VWC2L: variants seen among roughly 807,000 people sequenced by gnomAD.
VWC2L encodes von Willebrand factor C domain containing 2 like.
Under a neutral mutation model 21.6 loss-of-function variants are expected in VWC2L, and 10 were observed. That is an observed-to-expected ratio of 0.46 (90% CI 0.29 to 0.78). The LOEUF (loss-of-function observed/expected upper bound fraction) is 0.78. Ranked by LOEUF, VWC2L falls within the 30% of genes least tolerant of loss-of-function variation. The pLI is 0.10. For synonymous variants in VWC2L, 96 were observed against 94.3 expected (o/e 1.02, Z -0.10); for missense variants, 209 against 277.1 (o/e 0.75, Z 1.74).
At chr2:214,424,607 ATAC>A (rs1702495136) in intron 2 of VWC2L, among the ~76,000 whole-genome samples, 1 of 152,232 alleles carries the variant, frequency 6.6e-6, no homozygotes, top group African/African-American at 2.4e-5. Flanking sequence ...ATTACTATTA[ATAC>A]TAAACTGTAT....
chr2:214,538,737 C>A (rs541673340), intron 3 of VWC2L, among the ~76,000 whole-genome samples: 214 of 151,858 alleles, frequency 1.4e-3, no homozygotes, highest in African/African-American at 4.8e-3. Flanking sequence ...TCTACCTTCT[C>A]CCAAGTTCAT....
At chr2:214,422,541 C>T (rs1358839036) in intron 2 of VWC2L, among the ~76,000 whole-genome samples, 2 of 152,086 alleles carry the variant, frequency 1.3e-5, no homozygotes, top group Non-Finnish European at 2.9e-5. Context: ...GCGTTTGAAA[C>T]AAATAACTAA....
chr2:214,463,404 A>G (rs911454360), intron 3 of VWC2L, among the ~76,000 whole-genome samples: 1 of 152,134 alleles, frequency 6.6e-6, no homozygotes, highest in Non-Finnish European at 1.5e-5. Context: ...TGATATTACT[A>G]TAGCCATTCC....
At chr2:214,491,712 G>C (rs904677719) in intron 3 of VWC2L, among the ~76,000 whole-genome samples, 1 of 152,122 alleles carries the variant, frequency 6.6e-6, no homozygotes, top group Non-Finnish European at 1.5e-5. Context: ...GAACACTGGA[G>C]TCAGATGGAA....
At chr2:214,562,712 T>C (rs755544763) in intron 3 of VWC2L, among the ~76,000 whole-genome samples, 4 of 152,242 alleles carry the variant, frequency 2.6e-5, no homozygotes, top group Non-Finnish European at 5.9e-5. Context: ...TCATTGTGGT[T>C]TTGACTTGCA....
At chr2:214,430,055 C>T (rs550510765) in intron 2 of VWC2L, among the ~76,000 whole-genome samples, 1 of 152,106 alleles carries the variant, frequency 6.6e-6, no homozygotes, top group East Asian at 1.9e-4. Flanking sequence ...AAATCCTGAC[C>T]TCGTGTGCTG....
At chr2:214,432,656 A>G (rs748996535) in intron 2 of VWC2L, among the ~76,000 whole-genome samples, 1 of 152,218 alleles carries the variant, frequency 6.6e-6, no homozygotes, top group Non-Finnish European at 1.5e-5. Flanking sequence ...TCTATTAACT[A>G]TACTGTGTAT....
At chr2:214,465,691 C>G (rs938977417) in intron 3 of VWC2L, among the ~76,000 whole-genome samples, 2 of 152,090 alleles carry the variant, frequency 1.3e-5, no homozygotes, top group African/African-American at 4.8e-5. Flanking sequence ...CAGCACTTGC[C>G]CAGGAATTGA....
At chr2:214,520,976 C>G (rs907678579) in intron 3 of VWC2L, among the ~76,000 whole-genome samples, 1 of 152,008 alleles carries the variant, frequency 6.6e-6, no homozygotes, top group African/African-American at 2.4e-5. Flanking sequence ...GTAATCCCAG[C>G]ACTTTGGGAG....
chr2:214,513,087 G>A (rs973448109), intron 3 of VWC2L, among the ~76,000 whole-genome samples: 6 of 152,108 alleles, frequency 3.9e-5, no homozygotes, highest in African/African-American at 1.5e-4. Flanking sequence ...GCTCAGTTAA[G>A]TAAAAGATTA....
chr2:214,529,466 A>G (rs1273390995), intron 3 of VWC2L, among the ~76,000 whole-genome samples: 2 of 152,134 alleles, frequency 1.3e-5, no homozygotes, highest in Admixed American at 6.6e-5. Flanking sequence ...AAAACTACGG[A>G]AACTCAATGA....
At chr2:214,520,361 T>C (rs954970337) in intron 3 of VWC2L, among the ~76,000 whole-genome samples, 7 of 152,214 alleles carry the variant, frequency 4.6e-5, no homozygotes, top group African/African-American at 1.4e-4. Flanking sequence ...TTAATGTCTG[T>C]AAATATTCCA....
At chr2:214,433,180 ATATT>A (rs986696284) in intron 2 of VWC2L, among the ~76,000 whole-genome samples, 8 of 138,208 alleles carry the variant, frequency 5.8e-5, no homozygotes, top group Admixed American at 7.3e-5. Context: ...ATATATATAT[ATATT>A]ATATATAAAT....
intron 3 of VWC2L, among the ~76,000 whole-genome samples, chr2:214,496,811 G>A (rs1296400717): frequency 1.3e-5 from 2 of 152,098 alleles, no homozygotes; most frequent in African/African-American, 4.8e-5. Context: ...CCAGACGCTT[G>A]GTTCTCAATA....
intron 2 of VWC2L, among the ~76,000 whole-genome samples, chr2:214,422,194 C>T (rs1027839277): frequency 6.6e-6 from 1 of 152,018 alleles, no homozygotes; most frequent in Admixed American, 6.5e-5. Flanking sequence ...GGCCTATTTC[C>T]TACATCTTAT....
intron 3 of VWC2L, among the ~76,000 whole-genome samples, chr2:214,526,414 T>A (rs957946149): frequency 5.3e-5 from 8 of 152,180 alleles, no homozygotes; most frequent in Admixed American, 5.2e-4. Context: ...CATATAATAC[T>A]TTTTGGCATT....
chr2:214,528,192 A>C (rs1689373873), intron 3 of VWC2L, among the ~76,000 whole-genome samples: 1 of 152,172 alleles, frequency 6.6e-6, no homozygotes, highest in African/African-American at 2.4e-5. Flanking sequence ...TAATTCATGA[A>C]ATCATACAGT....
intron 3 of VWC2L, among the ~76,000 whole-genome samples, chr2:214,522,435 C>T (rs536143136): frequency 6.7e-6 from 1 of 149,440 alleles, no homozygotes; most frequent in Admixed American, 6.7e-5. Context: ...TCCTCCACTT[C>T]TATTTCTTTA....
At chr2:214,426,037 T>C (rs1041516169) in intron 2 of VWC2L, among the ~76,000 whole-genome samples, 2 of 151,722 alleles carry the variant, frequency 1.3e-5, no homozygotes, top group African/African-American at 4.8e-5. Context: ...CCTGGCATGA[T>C]GGTGGGTGCC....
Sources: allele counts gnomAD v4.1 joint callset (sites outside exome capture counted in the v4.1 genomes callset), GRCh38; gene constraint gnomAD v4.1.1; transcripts MANE v1.5; gene names NCBI Gene and HGNC (gene_info 2026-07-23, HGNC 2026-07-21).